The following GALNTL6 variants were observed in gnomAD, a reference collection of about 807,000 sequenced individuals.
GALNTL6 encodes polypeptide N-acetylgalactosaminyltransferase-like 6.
Under a neutral mutation model 73.7 loss-of-function variants are expected in GALNTL6, and 46 were observed. That is an observed-to-expected ratio of 0.62 (90% CI 0.49 to 0.80). The LOEUF (loss-of-function observed/expected upper bound fraction) is 0.80. Among genes scored for constraint, GALNTL6 ranks in the 30% least tolerant of loss-of-function variants. The pLI is 0.00. For missense variants in GALNTL6, 604 were observed against 755.0 expected (o/e 0.80, Z 2.34); for synonymous variants, 259 against 263.7 (o/e 0.98, Z 0.17).
At chr4:172,956,597 A>G (rs1749764594) in intron 10 of GALNTL6, among the ~76,000 whole-genome samples, 1 of 152,160 alleles carries the variant, frequency 6.6e-6, no homozygotes, top group East Asian at 1.9e-4. Flanking sequence ...TAGACAGAAG[A>G]CAGTAGGGAT....
At chr4:172,514,741 C>G (rs1450294842) in intron 5 of GALNTL6, among the ~76,000 whole-genome samples, 2 of 152,192 alleles carry the variant, frequency 1.3e-5, no homozygotes, top group Non-Finnish European at 2.9e-5. Context: ...GAATGGGTCC[C>G]TGAGCTTCCC....
intron 2 of GALNTL6, among the ~76,000 whole-genome samples, chr4:171,986,798 G>A (rs1232399710): frequency 4.6e-5 from 7 of 152,138 alleles, no homozygotes; most frequent in Non-Finnish European, 7.3e-5. Context: ...GAATTGGGAC[G>A]ACCCAGGACA....
At chr4:172,163,428 G>A (rs576095458) in intron 2 of GALNTL6, among the ~76,000 whole-genome samples, 8 of 151,936 alleles carry the variant, frequency 5.3e-5, no homozygotes, top group Admixed American at 4.6e-4. Flanking sequence ...TCATCCTACT[G>A]TGTAGATAGT....
intron 2 of GALNTL6, among the ~76,000 whole-genome samples, chr4:172,163,294 T>G (rs868264620): frequency 1.3e-4 from 20 of 152,156 alleles, no homozygotes; most frequent in Non-Finnish European, 8.8e-5. Flanking sequence ...ATTTTTATAT[T>G]CCAAATGCCT....
At chr4:172,128,472 T>G (rs561995068) in intron 2 of GALNTL6, among the ~76,000 whole-genome samples, 1 of 152,186 alleles carries the variant, frequency 6.6e-6, no homozygotes, top group African/African-American at 2.4e-5. Flanking sequence ...AACTCTTCAG[T>G]TTATAACAGA....
chr4:172,847,849 G>C (rs1743597710), intron 7 of GALNTL6, among the ~76,000 whole-genome samples: 1 of 152,052 alleles, frequency 6.6e-6, no homozygotes, highest in South Asian at 2.1e-4. Flanking sequence ...AAACTCCCAG[G>C]GAGAGTGCAC....
intron 5 of GALNTL6, among the ~76,000 whole-genome samples, chr4:172,636,104 C>G (rs1739664364): frequency 2.0e-5 from 3 of 152,068 alleles, no homozygotes. Flanking sequence ...ATCTCATCAC[C>G]CAATCATTTG....
At chr4:172,152,701 T>C (rs1311933788) in intron 2 of GALNTL6, among the ~76,000 whole-genome samples, 1 of 152,150 alleles carries the variant, frequency 6.6e-6, no homozygotes. Context: ...CTCTGCCTCT[T>C]GGGCTGGAGT....
chr4:172,512,598 G>A (rs1734463892), intron 5 of GALNTL6, among the ~76,000 whole-genome samples: 2 of 152,054 alleles, frequency 1.3e-5, no homozygotes, highest in Admixed American at 6.6e-5. Context: ...GTTTCAAGAT[G>A]TAGAGCTCCT....
intron 3 of GALNTL6, among the ~76,000 whole-genome samples, chr4:172,306,104 G>C (rs180758548): frequency 6.6e-6 from 1 of 152,094 alleles, no homozygotes; most frequent in African/African-American, 2.4e-5. Context: ...ATAAAAATAT[G>C]TTGGCCGGGC....
chr4:172,265,229 G>T (rs1410073685), intron 3 of GALNTL6, among the ~76,000 whole-genome samples: 1 of 151,968 alleles, frequency 6.6e-6, no homozygotes, highest in Non-Finnish European at 1.5e-5. Context: ...CAACAGAGAT[G>T]AGGGCAAACC....
At chr4:172,481,246 G>T (rs959102505) in intron 5 of GALNTL6, among the ~76,000 whole-genome samples, 1 of 151,872 alleles carries the variant, frequency 6.6e-6, no homozygotes, top group African/African-American at 2.4e-5. Flanking sequence ...CTCCCGACCC[G>T]AGTTGTTCAT....
chr4:171,893,985 G>A (rs1048553558), intron 2 of GALNTL6, among the ~76,000 whole-genome samples: 3 of 108,424 alleles, frequency 2.8e-5, no homozygotes, highest in Non-Finnish European at 5.2e-5. Context: ...AAAGAGCTTG[G>A]GGTTGAAACT....
rs74647219 is a variant in GALNTL6, at chr4:172,042,349, T to A, written c.139-187307T>A. ...ATGACTAATGAGATACTGACCTTGA[T>A]GTTTCTAAACTGTATATGGCACATA... On this transcript the variant is annotated intron_variant, in intron 2 of 12. Coordinates refer to ENST00000506823, the MANE Select transcript of GALNTL6 (RefSeq NM_001034845.3). Among the ~76,000 whole-genome samples the A allele has an allele frequency of 2.2e-3, 337 of 152,210 alleles. 6 individuals are homozygous for A. In the East Asian group the frequency reaches 0.048, roughly 21 times the overall value.
chr4:172,566,218 C>T (rs1454619019), intron 5 of GALNTL6, among the ~76,000 whole-genome samples: 1 of 152,100 alleles, frequency 6.6e-6, no homozygotes, highest in African/African-American at 2.4e-5. Context: ...ACAAAATATA[C>T]CACCAACAGT....
chr4:171,842,929 T>C (rs1197666815), intron 2 of GALNTL6, among the ~76,000 whole-genome samples: 1 of 152,170 alleles, frequency 6.6e-6, no homozygotes, highest in Non-Finnish European at 1.5e-5. Flanking sequence ...AAGGCCTTAG[T>C]TGTTGCCTGT....
chr4:172,000,508 C>G (rs568110624), intron 2 of GALNTL6, among the ~76,000 whole-genome samples: 6 of 152,218 alleles, frequency 3.9e-5, no homozygotes, highest in Admixed American at 2.6e-4. Flanking sequence ...ACACCTATCA[C>G]CACCCTCAGC....
intron 2 of GALNTL6, among the ~76,000 whole-genome samples, chr4:172,034,215 T>C (rs933912859): frequency 2.0e-5 from 3 of 152,110 alleles, no homozygotes; most frequent in Non-Finnish European, 2.9e-5. Context: ...CCCCTGTGCC[T>C]GAGTTCTCAA....
chr4:172,195,824 C>T (rs1445365348), intron 2 of GALNTL6, among the ~76,000 whole-genome samples: 5 of 152,148 alleles, frequency 3.3e-5, no homozygotes, highest in African/African-American at 1.2e-4. Context: ...TAAATACCCA[C>T]ATCAAAAATC....
Sources: gnomAD v4.1 joint callset for allele counts (sites outside exome capture counted in the v4.1 genomes callset) on GRCh38, gnomAD v4.1.1 for gene constraint, MANE v1.5 for transcripts, NCBI Gene and HGNC (gene_info 2026-07-23, HGNC 2026-07-21) for gene names.